Variants in PTPRD observed in about 807,000 individuals in gnomAD.
The protein encoded by PTPRD is protein tyrosine phosphatase receptor type D.
PTPRD carries 34 observed loss-of-function variants against 214.5 expected under a neutral mutation model. That is an observed-to-expected ratio of 0.16 (90% CI 0.12 to 0.21). The LOEUF (loss-of-function observed/expected upper bound fraction) is 0.21, where lower values mean the gene tolerates loss of function less well. Ranked by LOEUF, PTPRD falls within the 10% of genes least tolerant of loss-of-function variation. The pLI, the probability that PTPRD is intolerant of heterozygous loss-of-function variation, is 1.00. For missense variants in PTPRD, 2,545 were observed against 2,398.7 expected, an observed-to-expected ratio of 1.06 and a Z score of -1.27; for synonymous variants, 1,128 against 845.7, an observed-to-expected ratio of 1.33 and a Z score of -5.79.
chr9:8,388,294 T>C (rs945830031), intron 37 of PTPRD, among the ~76,000 whole-genome samples: 6 of 152,150 alleles, frequency 3.9e-5, no homozygotes, highest in African/African-American at 1.4e-4. Context: ...ACACAGTAAA[T>C]GGGGAATCAG....
chr9:8,583,039 T>C (rs1408992878), intron 14 of PTPRD, among the ~76,000 whole-genome samples: 7 of 152,194 alleles, frequency 4.6e-5, no homozygotes, highest in Non-Finnish European at 2.9e-5. Flanking sequence ...CAATGGAATA[T>C]TTAAGACAGT....
At chr9:8,424,608 A>G (rs536267400) in intron 35 of PTPRD, among the ~76,000 whole-genome samples, 1 of 152,288 alleles carries the variant, frequency 6.6e-6, no homozygotes, top group South Asian at 2.1e-4. Flanking sequence ...TTATGATATT[A>G]AAATGTGCAG....
chr9:10,238,333 C>A (rs1344755608), intron 3 of PTPRD, among the ~76,000 whole-genome samples: 1 of 151,824 alleles, frequency 6.6e-6, no homozygotes, highest in African/African-American at 2.4e-5. Flanking sequence ...TAGTTTCCCC[C>A]ACCACCATCT....
chr9:9,240,437 C>T (rs1314135161), intron 9 of PTPRD, among the ~76,000 whole-genome samples: 3 of 152,112 alleles, frequency 2.0e-5, no homozygotes, highest in Non-Finnish European at 4.4e-5. Context: ...CTTTGGGAGG[C>T]CGAGGTGGGC....
At chr9:9,205,067 T>C (rs2099944037) in intron 9 of PTPRD, among the ~76,000 whole-genome samples, 1 of 152,164 alleles carries the variant, frequency 6.6e-6, no homozygotes, top group South Asian at 2.1e-4. Flanking sequence ...ATAGCTCATA[T>C]TAAACACATT....
At chr9:8,762,182 C>G (rs186178004) in intron 11 of PTPRD, among the ~76,000 whole-genome samples, 28 of 152,202 alleles carry the variant, frequency 1.8e-4, no homozygotes, top group Admixed American at 1.6e-3. Context: ...GTATAATTCT[C>G]AATAATTTTT....
chr9:10,577,035 G>A (rs1046768376), intron 2 of PTPRD, among the ~76,000 whole-genome samples: 1 of 151,718 alleles, frequency 6.6e-6, no homozygotes, highest in African/African-American at 2.4e-5. Context: ...GAAATAAATT[G>A]TTCTTTAAAA....
At position 9,328,882 on chromosome 9, in the gene PTPRD, C is replaced by G. The variant is rs190382047; in HGVS notation, c.-203+68567G>C. 3.9e-3 allele frequency among the ~76,000 whole-genome samples: 596 copies of G among 151,922 alleles called. 6 individuals carry two copies. The highest frequency in any genetic ancestry group is 0.013 in the African/African-American group (553 of 41,450). ...TGAACTCCTGACCTCAAGTTACTCA[C>G]TTGCTTTGGCCTCCCAAAGTAAAGG... On this transcript the variant is annotated intron_variant, in intron 9 of 45. Coordinates refer to ENST00000381196, the MANE Select transcript of PTPRD (RefSeq NM_002839.4).
rs77974401 is a variant in PTPRD, at chr9:8,517,789, C to A, written c.1543+59G>T. Reference sequence around the variant, plus strand: ...TTGTTCCTTCTTTGTTTTTGTCCTTCTCACCTCTTTGCACCAGCCCTTCCC... The same window carrying A: ...TTGTTCCTTCTTTGTTTTTGTCCTTATCACCTCTTTGCACCAGCCCTTCCC... On this transcript the variant is annotated intron_variant, in intron 21 of 45. Coordinates refer to ENST00000381196, the MANE Select transcript of PTPRD (RefSeq NM_002839.4). The A allele has an allele frequency of 4.2e-6, 6 of 1,433,996 alleles. No homozygotes were observed. In the East Asian group the frequency reaches 1.4e-4, roughly 33 times the overall value. The allele number at this position is 1,433,996 out of a possible 1,614,324, so 88.8% of individuals were successfully genotyped here. A position where few individuals can be genotyped will look rare whatever the true frequency, so the allele number is the denominator to read the frequency against.
At chr9:9,428,022 A>C (rs968704057) in intron 8 of PTPRD, among the ~76,000 whole-genome samples, 4 of 152,230 alleles carry the variant, frequency 2.6e-5, no homozygotes, top group African/African-American at 9.6e-5. Flanking sequence ...CAAAATAACC[A>C]GCTAACATCA....
intron 11 of PTPRD, among the ~76,000 whole-genome samples, chr9:8,816,312 C>G (rs1274781403): frequency 6.6e-6 from 1 of 152,146 alleles, no homozygotes; most frequent in Non-Finnish European, 1.5e-5. Flanking sequence ...CTGCGAGAGG[C>G]TCCTATTATC....
chr9:10,458,040 A>G (rs989339384), intron 2 of PTPRD, among the ~76,000 whole-genome samples: 4 of 152,038 alleles, frequency 2.6e-5, no homozygotes, highest in African/African-American at 9.7e-5. Flanking sequence ...AATAACAATA[A>G]AAGAGATTGA....
chr9:9,704,767 G>T (rs1228728027), intron 7 of PTPRD, among the ~76,000 whole-genome samples: 1 of 152,174 alleles, frequency 6.6e-6, no homozygotes, highest in Non-Finnish European at 1.5e-5. Flanking sequence ...AGTCCCTGCT[G>T]TGCCTAGGCT....
At chr9:8,944,953 T>C (rs1469066354) in intron 11 of PTPRD, among the ~76,000 whole-genome samples, 1 of 152,100 alleles carries the variant, frequency 6.6e-6, no homozygotes, top group African/African-American at 2.4e-5. Flanking sequence ...AGGTGGTAGA[T>C]ACCCCCTTTA....
intron 8 of PTPRD, among the ~76,000 whole-genome samples, chr9:9,544,409 T>C (rs1458999224): frequency 6.6e-6 from 1 of 151,692 alleles, no homozygotes; most frequent in Non-Finnish European, 1.5e-5. Context: ...ATTTTGATTT[T>C]TTAGGTACAT....
At chr9:10,139,209 T>C (rs2098964611) in intron 3 of PTPRD, among the ~76,000 whole-genome samples, 1 of 151,552 alleles carries the variant, frequency 6.6e-6, no homozygotes, top group Non-Finnish European at 1.5e-5. Context: ...GGATACAAGA[T>C]AAATGCATAA....
intron 10 of PTPRD, among the ~76,000 whole-genome samples, chr9:9,052,892 A>G (rs2099689087): frequency 1.3e-5 from 2 of 152,182 alleles, no homozygotes; most frequent in Admixed American, 1.3e-4. Context: ...ATCCTAGCCA[A>G]CTGAATGTGC....
intron 37 of PTPRD, among the ~76,000 whole-genome samples, chr9:8,377,828 C>T (rs1263795798): frequency 1.3e-5 from 2 of 151,942 alleles, no homozygotes; most frequent in Non-Finnish European, 2.9e-5. Context: ...TAATGATTTG[C>T]TTTTATGTTT....
chr9:9,563,179 G>A (rs1428279950), intron 8 of PTPRD, among the ~76,000 whole-genome samples: 1 of 152,110 alleles, frequency 6.6e-6, no homozygotes, highest in African/African-American at 2.4e-5. Context: ...AAGGGGCAAG[G>A]GGTGGTCAAG....
Sources: gnomAD v4.1 joint callset for allele counts (sites outside exome capture counted in the v4.1 genomes callset) on GRCh38, gnomAD v4.1.1 for gene constraint, MANE v1.5 for transcripts, NCBI Gene and HGNC (gene_info 2026-07-23, HGNC 2026-07-21) for gene names.